IGFL2: variants seen among roughly 807,000 people sequenced by gnomAD.
The protein encoded by IGFL2 is IGF like family member 2.
A neutral mutation model predicts 13.9 loss-of-function variants in IGFL2; 7 were observed. The observed-to-expected ratio is 0.51, with a 90% CI of 0.29 to 0.95. The LOEUF (loss-of-function observed/expected upper bound fraction) is 0.95. Among genes scored for constraint, IGFL2 ranks in the 40% least tolerant of loss-of-function variants. IGFL2 has a pLI of 0.08. For missense variants in IGFL2, 138 were observed against 147.8 expected (o/e 0.93, Z 0.34); for synonymous variants, 55 against 55.8 (o/e 0.99, Z 0.07).
chr19:46,158,032 C>G (rs1024941926), intron 1 of IGFL2, among the ~76,000 whole-genome samples: 1 of 151,992 alleles, frequency 6.6e-6, no homozygotes, highest in Non-Finnish European at 1.5e-5. Flanking sequence ...AAAATAGCAC[C>G]TGCAATTGTT....
At chr19:46,186,512 G>A in the IGFL2 span, among the ~76,000 whole-genome samples, 1 of 151,116 alleles carries the variant, frequency 6.6e-6, no homozygotes, top group African/African-American at 2.4e-5. Context: ...CTATGGCCTG[G>A]ATATGGTCCC....
At chr19:46,131,358 G>A in the IGFL2 span, among the ~76,000 whole-genome samples, 2 of 152,108 alleles carry the variant, frequency 1.3e-5, no homozygotes, top group South Asian at 4.1e-4. Flanking sequence ...ACTACATTAA[G>A]CTTTACTCGA....
chr19:46,169,519 G>A, the IGFL2 span, among the ~76,000 whole-genome samples: 1 of 152,156 alleles, frequency 6.6e-6, no homozygotes, highest in South Asian at 2.1e-4. Context: ...TGATAGTGTT[G>A]GAGACCTAAT....
the IGFL2 span, chr19:46,124,795 A>G: frequency 1.4e-6 from 1 of 718,748 alleles, no homozygotes; most frequent in Non-Finnish European, 2.5e-6. Context: ...TCCCAAGCAC[A>G]TTCCTTGAAG....
the IGFL2 span, among the ~76,000 whole-genome samples, chr19:46,180,037 G>A: frequency 8.0e-4 from 121 of 152,190 alleles, 2 homozygotes; most frequent in Middle Eastern, 0.017. Flanking sequence ...ACAAATACAC[G>A]CATCTGTGAT....
At chr19:46,124,365 G>T in the IGFL2 span, 13 of 1,557,150 alleles carry the variant, frequency 8.3e-6, no homozygotes, top group African/African-American at 1.4e-4. Flanking sequence ...CTGAGAATGT[G>T]ACAAGTATGG....
the IGFL2 span, among the ~76,000 whole-genome samples, chr19:46,079,152 T>C: frequency 2.6e-5 from 4 of 152,114 alleles, no homozygotes; most frequent in Non-Finnish European, 2.9e-5. Flanking sequence ...GCGCAGGCGA[T>C]GGGTGAGGCG....
the IGFL2 span, chr19:46,194,992 G>A: frequency 6.7e-5 from 10 of 148,544 alleles, no homozygotes; most frequent in East Asian, 2.0e-3. Context: ...TGGGATTACA[G>A]GGATGAGCCA....
At chr19:46,213,456 G>A in the IGFL2 span, 1 of 154,124 alleles carries the variant, frequency 6.5e-6, no homozygotes, top group Admixed American at 6.5e-5. Flanking sequence ...CCGCCCCAGA[G>A]CAATGGCTCC....
the IGFL2 span, among the ~76,000 whole-genome samples, chr19:46,103,846 G>A: frequency 6.6e-6 from 1 of 152,180 alleles, no homozygotes; most frequent in Non-Finnish European, 1.5e-5. Flanking sequence ...TTTAAGGGAA[G>A]TAGGGTTGAG....
chr19:46,082,811 CAGTT>C, the IGFL2 span, among the ~76,000 whole-genome samples: 295 of 152,222 alleles, frequency 1.9e-3, 2 homozygotes, highest in Non-Finnish European at 3.8e-3. Flanking sequence ...CTGATGTAGT[CAGTT>C]AGTCATATGG....
chr19:46,142,882 G>T (rs922329518), upstream of IGFL2, among the ~76,000 whole-genome samples: 2 of 152,170 alleles, frequency 1.3e-5, no homozygotes, highest in Non-Finnish European at 2.9e-5. Context: ...GCTTATCACT[G>T]TCAAGCCTTC....
the IGFL2 span, among the ~76,000 whole-genome samples, chr19:46,188,889 G>A: frequency 6.6e-6 from 1 of 152,256 alleles, no homozygotes; most frequent in Non-Finnish European, 1.5e-5. Flanking sequence ...CTTTGTGGGA[G>A]CATGGCAGGC....
chr19:46,129,925 C>T, the IGFL2 span, among the ~76,000 whole-genome samples: 7 of 152,134 alleles, frequency 4.6e-5, no homozygotes, highest in Non-Finnish European at 7.3e-5. Flanking sequence ...TGTTAATTTT[C>T]TGACCTGATG....
chr19:46,114,159 C>A, the IGFL2 span, among the ~76,000 whole-genome samples: 1 of 152,200 alleles, frequency 6.6e-6, no homozygotes. Flanking sequence ...TAATAACTGA[C>A]AACTTCCCAA....
the IGFL2 span, among the ~76,000 whole-genome samples, chr19:46,176,458 G>A: frequency 6.6e-6 from 1 of 152,192 alleles, no homozygotes; most frequent in South Asian, 2.1e-4. Context: ...AGAGAAACCC[G>A]CAGGGATCCA....
At chr19:46,150,552 G>C (rs1973424248) in intron 1 of IGFL2, among the ~76,000 whole-genome samples, 1 of 152,120 alleles carries the variant, frequency 6.6e-6, no homozygotes, top group Non-Finnish European at 1.5e-5. Context: ...TTTAATGTAT[G>C]TTTGCCTTGT....
At chr19:46,105,841 A>T in the IGFL2 span, among the ~76,000 whole-genome samples, 2 of 152,326 alleles carry the variant, frequency 1.3e-5, no homozygotes, top group South Asian at 4.1e-4. Flanking sequence ...TACAGGGTGC[A>T]GTCCCAGCTC....
the IGFL2 span, among the ~76,000 whole-genome samples, chr19:46,116,610 C>T: frequency 6.6e-6 from 1 of 152,192 alleles, no homozygotes; most frequent in African/African-American, 2.4e-5. Flanking sequence ...ATTCTGGCCC[C>T]AAGGAATCCT....
Sources: allele counts gnomAD v4.1 joint callset (sites outside exome capture counted in the v4.1 genomes callset), GRCh38; gene constraint gnomAD v4.1.1; transcripts MANE v1.5; gene names NCBI Gene and HGNC (gene_info 2026-07-23, HGNC 2026-07-21).